IFFO1: variants seen among roughly 807,000 people sequenced by gnomAD.
IFFO1 encodes the protein intermediate filament family orphan 1, also known as non-homologous end joining factor IFFO1.
In IFFO1, 42 loss-of-function variants were observed where a neutral mutation model predicts 59.6. The observed-to-expected ratio is 0.70, with a 90% CI of 0.55 to 0.91. The LOEUF (loss-of-function observed/expected upper bound fraction) is 0.91. IFFO1 is among the 40% of genes least tolerant of loss of function. The pLI, the probability that IFFO1 is intolerant of heterozygous loss-of-function variation, is 0.00. For missense variants in IFFO1, 711 were observed against 793.2 expected (o/e 0.90, Z 1.24); for synonymous variants, 336 against 342.8 (o/e 0.98, Z 0.22).
chr12:6,555,917 A>C lies in IFFO1; in HGVS notation c.113T>G (p.Leu38Trp). Residue 38 changes from leucine (L) to tryptophan (W), a missense_variant, in exon 1 of 10, where the codon TTG becomes TGG. Leu to Trp is a moderately conservative substitution (Grantham distance 61). Around this residue, in one of 3 missense-constraint regions of IFFO1, gnomAD observed 114 missense variants for 102.4 expected, o/e 1.11. Coordinates refer to ENST00000619571, the MANE Select transcript of IFFO1 (RefSeq NM_001193457.2). This position sits in a 1 kb window ranked among gnomAD's most constrained non-coding sequence, Gnocchi z 8.6. ...GGCCGGCGAGAGAGGCGCCGGGGGC[A>C]AGTCTCCTCCCCCGGCGAAGTGGTC... ...GGDHFAGGGD[L>W]PPAPLSPAGP... 1 of 1,552,164 alleles carries C rather than the reference A, an allele frequency of 6.4e-7. No homozygotes were observed. Among genetic ancestry groups the C allele is most frequent in the Non-Finnish European group, 8.7e-7 (1 of 1,153,666 alleles).
At position 6,540,479 on chromosome 12, in the gene IFFO1, G is replaced by A; in HGVS notation, c.*4C>T. On this transcript the variant is annotated 3_prime_UTR_variant, in exon 10 of 10. Transcript: ENST00000619571. The stretch of plus-strand genomic sequence containing the variant: ...GGCCTCGGGTGCAAGGGGGAGGCAG[G>A]TCTCTATCTCATGGAGCTGTCAGAT... 6.2e-7 allele frequency: 1 copy of A among 1,611,590 alleles called. No individual in the cohort carries two copies. Among genetic ancestry groups the A allele is most frequent in the East Asian group, 2.2e-5 (1 of 44,872 alleles).
At position 6,551,146 on chromosome 12, in the gene IFFO1, G is replaced by A. The variant is rs1350469281; in HGVS notation, c.774-145C>T. 7.5e-6 allele frequency: 6 copies of A among 800,302 alleles called. No individual in the cohort carries two copies. In the African/African-American group the frequency reaches 1.0e-4, roughly 14 times the overall value. The allele number at this position is 800,302 out of a possible 1,614,324, so 49.6% of individuals were successfully genotyped here. A position where few individuals can be genotyped will look rare whatever the true frequency, so the allele number is the denominator to read the frequency against. On this transcript the variant is annotated intron_variant, in intron 1 of 9. Coordinates refer to ENST00000619571, the MANE Select transcript of IFFO1 (RefSeq NM_001193457.2). ...GGAGGAGCAGGGCACAGGAATGCCTGGCCAGCCAGCTGGTGACCAACTGCA... is the reference window on the plus strand; with the variant it reads ...GGAGGAGCAGGGCACAGGAATGCCTAGCCAGCCAGCTGGTGACCAACTGCA...
rs932938795 is a variant in IFFO1, at chr12:6,550,223, A to G, written c.931-327T>C. On this transcript the variant is annotated intron_variant, in intron 3 of 9. Transcript: ENST00000619571. ...CCTAGAACTTACATTCCCAGAGAGA[A>G]AGAGACTCCTGGGAATTATAAGAGT... The G allele has an allele frequency of 8.7e-6, 3 of 345,312 alleles. No homozygotes were observed. In the Admixed American group the frequency reaches 1.3e-4, roughly 14 times the overall value. 21.4% of individuals were successfully genotyped at this position (345,312 alleles called of 1,614,324 possible).
intron 9 of IFFO1, among the ~76,000 whole-genome samples, chr12:6,540,960 G>T (rs1261959197): frequency 6.6e-6 from 1 of 151,532 alleles, no homozygotes; most frequent in Non-Finnish European, 1.5e-5. Flanking sequence ...GTGGTGGCGG[G>T]CGCCTTGGAG....
chr12:6,546,576 C>G (rs564901386), intron 8 of IFFO1, among the ~76,000 whole-genome samples: 2 of 152,132 alleles, frequency 1.3e-5, no homozygotes, highest in Admixed American at 1.3e-4. Context: ...CTCCGCCTCC[C>G]GGGTTCACGC....
At chr12:6,545,666 C>A (rs1183398739) in intron 8 of IFFO1, among the ~76,000 whole-genome samples, 2 of 150,604 alleles carry the variant, frequency 1.3e-5, no homozygotes, top group Admixed American at 6.7e-5. Flanking sequence ...CCACTGCACT[C>A]CAGCCTGGGT....
chr12:6,547,934 G>A, intron 8 of IFFO1, 131 bp downstream of exon 8: 2 of 731,894 alleles, frequency 2.7e-6, no homozygotes, highest in Non-Finnish European at 5.0e-6. Context: ...GAGGACTATA[G>A]CTGAGAGATC....
At position 6,549,117 on chromosome 12, in the gene IFFO1, G is replaced by GC. The variant is rs1322289959; in HGVS notation, c.1081-269dup. 9.0e-6 allele frequency: 5 copies of GC among 557,076 alleles called. No individual in the cohort carries two copies. In the East Asian group the frequency reaches 1.5e-4, roughly 17 times the overall value. The allele number at this position is 557,076 out of a possible 1,614,324, so 34.5% of individuals were successfully genotyped here. A position where few individuals can be genotyped will look rare whatever the true frequency, so the allele number is the denominator to read the frequency against. On this transcript the variant is annotated intron_variant, in intron 5 of 9. Coordinates refer to ENST00000619571, the MANE Select transcript of IFFO1 (RefSeq NM_001193457.2). The surrounding 1 kb of genome is among the most constrained non-coding windows in gnomAD (Gnocchi z 5.0). ...AAGGAAGGAAGGGCTCGCTGGGGCT[G>GC]CAGTCAGATGTGCATGATGGCTCAA... is the stretch of plus-strand genomic sequence containing the variant.
chr12:6,550,482 C>A, intron 3 of IFFO1: 1 of 581,226 alleles, frequency 1.7e-6, no homozygotes, highest in South Asian at 2.1e-5. Flanking sequence ...ACCCCAGGCC[C>A]TCAGAAGCTG....
chr12:6,548,213 C>A lies in IFFO1; in HGVS notation c.1384-53G>T, dbSNP rs945538890. On this transcript the variant is annotated intron_variant, in intron 7 of 9. Coordinates refer to ENST00000619571, the MANE Select transcript of IFFO1 (RefSeq NM_001193457.2). This position sits in a 1 kb window ranked among gnomAD's most constrained non-coding sequence, Gnocchi z 6.1. Reference sequence around the variant, plus strand: ...CCAGCCAAGGAGGGATGGGATGGGACGCATTCCAAAGGGCCAAGTCAGGGA... The same window carrying A: ...CCAGCCAAGGAGGGATGGGATGGGAAGCATTCCAAAGGGCCAAGTCAGGGA... 1 of 1,495,504 alleles carries A rather than the reference C, an allele frequency of 6.7e-7. No homozygotes were observed. The highest frequency in any genetic ancestry group is 1.4e-5 in the African/African-American group (1 of 72,436). The allele number at this position is 1,495,504 out of a possible 1,614,324, so 92.6% of individuals were successfully genotyped here.
chr12:6,551,548 T>C (rs779800222), intron 1 of IFFO1: 11 of 1,121,598 alleles, frequency 9.8e-6, no homozygotes, highest in African/African-American at 1.6e-5. Context: ...AAGAGCCTGG[T>C]AGGAGACACT....
chr12:6,552,921 C>T (rs1947293194), intron 1 of IFFO1, among the ~76,000 whole-genome samples: 1 of 152,150 alleles, frequency 6.6e-6, no homozygotes, highest in Admixed American at 6.5e-5. Context: ...TCCATGTGTT[C>T]TGCATGGACC....
In IFFO1 at chr12:6,549,717, C is replaced by T. The variant is rs759750811; in HGVS notation, c.1071+39G>A. The T allele has an allele frequency of 1.3e-6, 2 of 1,590,034 alleles. No individual in the cohort carries two copies. The highest frequency in any genetic ancestry group is 1.7e-6 in the Non-Finnish European group (2 of 1,162,920). ...GCCGCCACGGAAGCATCCACCTGCC[C>T]CACCCACCCCTGAGAGCAGAGGGCA... On this transcript the variant is annotated intron_variant, in intron 4 of 9. Transcript: ENST00000619571. The surrounding 1 kb of genome is among the most constrained non-coding windows in gnomAD (Gnocchi z 5.0).
Position 6,555,203 on chromosome 12 carries a change from C to T in IFFO1, c.773+54G>A, listed in dbSNP as rs1947379264. 6.4e-6 allele frequency: 10 copies of T among 1,568,774 alleles called. No homozygotes were observed. The South Asian group carries it at 1.1e-4, about 17-fold the overall frequency. On this transcript the variant is annotated intron_variant, in intron 1 of 9. Transcript: ENST00000619571. This position sits in a 1 kb window ranked among gnomAD's most constrained non-coding sequence, Gnocchi z 8.6. ...CTTCGGAACCCACACCAACTCGCGG[C>T]CCGTTGTGAGTGGTATGACACAGAG...
At position 6,548,766 on chromosome 12, in the gene IFFO1, G is replaced by T; in HGVS notation, c.1164C>A (p.Ser388=). The change falls in exon 6 of 10, where the codon TCC becomes TCA. Residue 388 remains serine (S), a synonymous_variant. Coordinates refer to ENST00000619571, the MANE Select transcript of IFFO1 (RefSeq NM_001193457.2). The surrounding 1 kb of genome is among the most constrained non-coding windows in gnomAD (Gnocchi z 6.1). ...ERKAAVEEDT[S]LSESEGPRQP... Reference sequence around the variant, plus strand: ...GGCGGGGCCCCTCACTCTCCGACAGGGAGGTGTCCTCCTCGACGGCAGCCT... The same window carrying T: ...GGCGGGGCCCCTCACTCTCCGACAGTGAGGTGTCCTCCTCGACGGCAGCCT... The T allele has an allele frequency of 6.2e-7, 1 of 1,614,054 alleles. No homozygotes were observed. Among genetic ancestry groups the T allele is most frequent in the Non-Finnish European group, 8.5e-7 (1 of 1,180,002 alleles).
intron 8 of IFFO1, among the ~76,000 whole-genome samples, chr12:6,544,165 CTTTTTTTT>C (rs531995265): frequency 7.3e-6 from 1 of 136,664 alleles, no homozygotes; most frequent in Non-Finnish European, 1.6e-5. Flanking sequence ...TTTGAAAATA[CTTTTTTTT>C]TTTTTTTTCC....
intron 8 of IFFO1, among the ~76,000 whole-genome samples, chr12:6,546,567 T>C (rs1946974905): frequency 6.6e-6 from 1 of 152,074 alleles, no homozygotes; most frequent in South Asian, 2.1e-4. Flanking sequence ...CACTGCAAGC[T>C]CCGCCTCCCG....
intron 1 of IFFO1, chr12:6,551,287 C>T (rs1435633351): frequency 3.1e-6 from 2 of 644,920 alleles, no homozygotes; most frequent in Non-Finnish European, 5.0e-6. Flanking sequence ...CTCCGGTCCT[C>T]CGTGATGCCC....
Position 6,548,524 on chromosome 12 carries a change from G to C in IFFO1, c.1284C>G (p.Asp428Glu), listed in dbSNP as rs369387110. The C allele has an allele frequency of 2.5e-6, 4 of 1,613,654 alleles. No individual in the cohort carries two copies. The highest frequency in any genetic ancestry group is 3.4e-6 in the Non-Finnish European group (4 of 1,179,792). Reference protein sequence around the residue: ...LNQLREYDFEDDCDSLTWEET... With the variant: ...LNQLREYDFEEDCDSLTWEET... ...CCTCCCAAGTCAGGCTGTCACAGTC[G>C]TCCTCAAAATCATACTCCCTCCTAG... The change falls in exon 7 of 10, where the codon GAC becomes GAG. Residue 428 changes from aspartate (D) to glutamate (E), a missense_variant. Asp to Glu is a conservative substitution (Grantham distance 45). Transcript: ENST00000619571. The surrounding 1 kb of genome is among the most constrained non-coding windows in gnomAD (Gnocchi z 6.1).
Sources: allele counts gnomAD v4.1 joint callset (sites outside exome capture counted in the v4.1 genomes callset), GRCh38; gene constraint gnomAD v4.1.1; regional missense constraint gnomAD v4.1.1; non-coding constraint Gnocchi (gnomAD v3.1); transcripts MANE v1.5; gene names NCBI Gene and HGNC (gene_info 2026-07-23, HGNC 2026-07-21).